DIAPH3: variants seen among roughly 807,000 people sequenced by gnomAD.
DIAPH3 encodes the protein diaphanous related formin 3.
Under a neutral mutation model 144.3 loss-of-function variants are expected in DIAPH3, and 117 were observed. The ratio of observed to expected loss-of-function variants is 0.81; its 90% CI spans 0.70 to 0.95. The LOEUF (loss-of-function observed/expected upper bound fraction) is 0.95. Ranked by LOEUF, DIAPH3 falls within the 40% of genes least tolerant of loss-of-function variation. The pLI is 0.00. For synonymous variants in DIAPH3, 519 were observed against 488.9 expected (o/e 1.06, Z -0.81); for missense variants, 1,421 against 1,412.7 (o/e 1.01, Z -0.09).
intron 24 of DIAPH3, among the ~76,000 whole-genome samples, chr13:59,827,499 A>T (rs1177395834): frequency 6.6e-6 from 1 of 152,086 alleles, no homozygotes; most frequent in Non-Finnish European, 1.5e-5. Context: ...AATTTCTTTA[A>T]GATGAAATGT....
intron 19 of DIAPH3, 83 bp downstream of exon 19, chr13:59,916,072 G>A: frequency 1.7e-6 from 2 of 1,196,118 alleles, no homozygotes; most frequent in South Asian, 1.2e-5. Flanking sequence ...TTTGGGTGAA[G>A]AATTTTGCTT....
At chr13:59,975,838 C>A (rs1421045845) in intron 14 of DIAPH3, among the ~76,000 whole-genome samples, 7 of 151,940 alleles carry the variant, frequency 4.6e-5, no homozygotes, top group Non-Finnish European at 8.8e-5. Flanking sequence ...TTGACGTAAG[C>A]CACAGCAACA....
At chr13:60,037,130 G>A (rs7323094) in intron 5 of DIAPH3, among the ~76,000 whole-genome samples, 138,520 of 151,934 alleles carry the variant, frequency 0.91, 63,372 homozygotes, top group Non-Finnish European at 0.93. Flanking sequence ...ATTTTGAGAC[G>A]TTAAGTATAA....
chr13:59,758,027 G>A (rs1325121602), intron 27 of DIAPH3, among the ~76,000 whole-genome samples: 1 of 152,088 alleles, frequency 6.6e-6, no homozygotes, highest in African/African-American at 2.4e-5. Flanking sequence ...CTATGAAAAG[G>A]TACTCATATT....
intron 23 of DIAPH3, 44 bp from the exon 24 acceptor site, chr13:59,833,315 T>C (rs1010103388): frequency 1.3e-6 from 2 of 1,503,786 alleles, no homozygotes; most frequent in African/African-American, 2.8e-5. Context: ...AAGTAATGCT[T>C]TGGGGGCAGG....
intron 25 of DIAPH3, among the ~76,000 whole-genome samples, chr13:59,779,997 G>A (rs1363123972): frequency 6.6e-6 from 1 of 152,050 alleles, no homozygotes; most frequent in Non-Finnish European, 1.5e-5. Context: ...ACCAACACAT[G>A]TTCACCTGGC....
intron 5 of DIAPH3, among the ~76,000 whole-genome samples, chr13:60,038,994 T>C (rs987408678): frequency 6.6e-6 from 1 of 152,018 alleles, no homozygotes; most frequent in Non-Finnish European, 1.5e-5. Flanking sequence ...ATTTGATAAT[T>C]TGAAGAAATT....
chr13:59,780,199 C>T (rs879538788), intron 25 of DIAPH3, among the ~76,000 whole-genome samples: 3 of 151,984 alleles, frequency 2.0e-5, no homozygotes, highest in Non-Finnish European at 4.4e-5. Flanking sequence ...TTTCTGCTCT[C>T]ACAAGCAGAA....
intron 27 of DIAPH3, among the ~76,000 whole-genome samples, chr13:59,727,599 A>T (rs1007634395): frequency 1.3e-5 from 2 of 152,142 alleles, no homozygotes; most frequent in Non-Finnish European, 2.9e-5. Flanking sequence ...CCTGTGCATT[A>T]TGGGATTTTG....
rs576257327 is a variant in DIAPH3 at position 59,748,332 on chromosome 13, A to G, written c.3319+25857T>C. 1.1e-3 allele frequency among the ~76,000 whole-genome samples: 172 copies of G among 152,270 alleles called. 1 individual carries two copies. In the South Asian group the frequency reaches 0.036, roughly 32 times the overall value. On this transcript the variant is annotated intron_variant, in intron 27 of 27. Transcript: ENST00000400324. ...CTGCTGTGGCTTGATCATTACGGAA[A>G]TCTATCCTACCAGTTCTCATGCAAT...
At chr13:59,673,546 G>C (rs1019236045) in intron 27 of DIAPH3, among the ~76,000 whole-genome samples, 56 of 152,242 alleles carry the variant, frequency 3.7e-4, no homozygotes, top group African/African-American at 1.3e-3. Context: ...TTGCTAATGA[G>C]GTAACTCATG....
Position 59,719,804 on chromosome 13 carries a change from A to T in DIAPH3, c.3320-52958T>A, listed in dbSNP as rs897904762. Among the ~76,000 whole-genome samples, 3 of 152,174 alleles carry T rather than the reference A, an allele frequency of 2.0e-5. 1 individual carries two copies. The highest frequency in any genetic ancestry group is 4.8e-5 in the African/African-American group (2 of 41,442). On this transcript the variant is annotated intron_variant, in intron 27 of 27. Transcript: ENST00000400324. ...GGGAATTACAAGCTAAAGGATAAAGAGGGTAAGCATTAAGACAGAGGGAAC... is the reference window on the plus strand; with the variant it reads ...GGGAATTACAAGCTAAAGGATAAAGTGGGTAAGCATTAAGACAGAGGGAAC...
intron 24 of DIAPH3, among the ~76,000 whole-genome samples, chr13:59,818,566 T>C (rs1284980038): frequency 4.0e-4 from 60 of 151,860 alleles, no homozygotes; most frequent in Admixed American, 3.9e-3. Context: ...TTTGTATAAG[T>C]TGTATTTCCT....
intron 3 of DIAPH3, 57 bp from the exon 4 acceptor site, chr13:60,093,789 C>T: frequency 9.3e-7 from 1 of 1,078,518 alleles, no homozygotes; most frequent in East Asian, 2.4e-5. Flanking sequence ...AGCAATTCTA[C>T]ATGCACTACA....
chr13:59,892,352 C>CTACATTAA (rs1242252933), intron 20 of DIAPH3, among the ~76,000 whole-genome samples: 2 of 151,774 alleles, frequency 1.3e-5, no homozygotes, highest in East Asian at 3.9e-4. Context: ...ATTAAAGAAA[C>CTACATTAA]AGAGACTACA....
At chr13:60,115,683 T>G (rs1022120753) in intron 2 of DIAPH3, among the ~76,000 whole-genome samples, 10 of 152,196 alleles carry the variant, frequency 6.6e-5, no homozygotes, top group Admixed American at 6.5e-5. Context: ...TTAACTTTTT[T>G]TATAATAGAT....
At chr13:59,823,427 G>T (rs902375521) in intron 24 of DIAPH3, among the ~76,000 whole-genome samples, 1 of 152,150 alleles carries the variant, frequency 6.6e-6, no homozygotes. Context: ...TTCTAGGTTT[G>T]TGGCATTTAG....
intron 27 of DIAPH3, among the ~76,000 whole-genome samples, chr13:59,670,194 C>G (rs892314567): frequency 6.6e-6 from 1 of 152,188 alleles, no homozygotes; most frequent in Non-Finnish European, 1.5e-5. Flanking sequence ...TATTTATCTC[C>G]TCTGTGGTTT....
At chr13:59,728,988 T>C (rs1292042762) in intron 27 of DIAPH3, among the ~76,000 whole-genome samples, 1 of 151,842 alleles carries the variant, frequency 6.6e-6, no homozygotes, top group African/African-American at 2.4e-5. Flanking sequence ...TCCTAGCTAC[T>C]GGGAGCTGAA....
Sources: allele counts gnomAD v4.1 joint callset (sites outside exome capture counted in the v4.1 genomes callset), GRCh38; gene constraint gnomAD v4.1.1; transcripts MANE v1.5; gene names NCBI Gene and HGNC (gene_info 2026-07-23, HGNC 2026-07-21).